Variants in CDC42BPA observed in about 807,000 individuals in gnomAD.
The protein encoded by CDC42BPA is CDC42 binding protein kinase alpha.
CDC42BPA carries 80 observed loss-of-function variants against 223.5 expected under a neutral mutation model. That is an observed-to-expected ratio of 0.36 (90% confidence interval 0.30 to 0.43). The LOEUF is 0.43. CDC42BPA is among the 20% of genes least tolerant of loss of function. The probability of loss-of-function intolerance (pLI) is 1.00; values close to 1 mark genes in which losing one functional copy is unlikely to be tolerated. For missense variants in CDC42BPA, 1,743 were observed against 2,099.9 expected (o/e 0.83, Z 3.32); for synonymous variants, 694 against 718.6 (o/e 0.97, Z 0.55).
intron 14 of CDC42BPA, among the ~76,000 whole-genome samples, chr1:227,109,044 T>C (rs1404954650): frequency 6.6e-6 from 1 of 152,050 alleles, no homozygotes; most frequent in Non-Finnish European, 1.5e-5. Flanking sequence ...ATGTCGCATA[T>C]AAATATGGTA....
intron 10 of CDC42BPA, among the ~76,000 whole-genome samples, chr1:227,133,096 G>GCC (rs71179194): frequency 7.1e-6 from 1 of 141,420 alleles, no homozygotes; most frequent in Admixed American, 6.8e-5. Context: ...GGGGGGGTCA[G>GCC]CCCCCCGCCC....
intron 19 of CDC42BPA, among the ~76,000 whole-genome samples, 157 bp downstream of exon 19, chr1:227,073,707 A>T (rs1159767588): frequency 6.6e-6 from 1 of 152,142 alleles, no homozygotes; most frequent in Admixed American, 6.6e-5. Flanking sequence ...CACTATCTAC[A>T]AGGCTTAAAA....
At chr1:227,271,011 C>CTATTTATTTGGTGTT (rs1685870717) in intron 1 of CDC42BPA, among the ~76,000 whole-genome samples, 5 of 152,044 alleles carry the variant, frequency 3.3e-5, no homozygotes, top group Admixed American at 2.6e-4. Context: ...CATTTTTTGG[C>CTATTTATTTGGTGTT]TATTGTGAGT....
intron 1 of CDC42BPA, among the ~76,000 whole-genome samples, chr1:227,270,562 A>C (rs1412892659): frequency 6.6e-6 from 1 of 152,214 alleles, no homozygotes; most frequent in Non-Finnish European, 1.5e-5. Context: ...GAGTTGTTTG[A>C]ATTTTATTTT....
chr1:227,003,545 G>C (rs907749001), intron 35 of CDC42BPA, among the ~76,000 whole-genome samples: 4 of 152,182 alleles, frequency 2.6e-5, no homozygotes, highest in African/African-American at 9.7e-5. Flanking sequence ...CAGTGAATTT[G>C]ACGGGAGTAA....
At chr1:227,014,255 A>T (rs778171238) in intron 34 of CDC42BPA, among the ~76,000 whole-genome samples, 6 of 152,108 alleles carry the variant, frequency 3.9e-5, no homozygotes, top group Non-Finnish European at 8.8e-5. Context: ...TGACCTGAAA[A>T]TTTTTAAAAG....
chr1:227,257,382 T>C (rs1370954047), intron 1 of CDC42BPA, among the ~76,000 whole-genome samples: 1 of 151,458 alleles, frequency 6.6e-6, no homozygotes, highest in Non-Finnish European at 1.5e-5. Context: ...ATTAGTAAGA[T>C]ATCAAAACCA....
chr1:226,999,542 G>A (rs899760925), intron 35 of CDC42BPA, among the ~76,000 whole-genome samples: 34 of 152,110 alleles, frequency 2.2e-4, no homozygotes, highest in African/African-American at 8.2e-4. Context: ...ACAGTGTGGC[G>A]ATTCCTCAAG....
chr1:227,216,490 T>G (rs1674877140), intron 2 of CDC42BPA, among the ~76,000 whole-genome samples: 1 of 152,148 alleles, frequency 6.6e-6, no homozygotes, highest in Non-Finnish European at 1.5e-5. Context: ...TGTGGTGAAA[T>G]AAAAGTCAGT....
chr1:227,234,503 A>C (rs921488646), intron 2 of CDC42BPA: 7 of 152,234 alleles, frequency 4.6e-5, no homozygotes, highest in Admixed American at 6.5e-5. Context: ...TAAGAACACC[A>C]ATGTGGAGAT....
At chr1:227,031,583 G>T in intron 27 of CDC42BPA, 69 bp from the exon 28 acceptor site, 1 of 1,299,358 alleles carries the variant, frequency 7.7e-7, no homozygotes, top group Non-Finnish European at 1.1e-6. Context: ...TCATGATTAT[G>T]TTAGTTTGCT....
chr1:227,117,374 TGACATGATCATGGCTCACTGCAGC>T (rs1480347755), intron 12 of CDC42BPA, among the ~76,000 whole-genome samples: 1 of 152,156 alleles, frequency 6.6e-6, no homozygotes, highest in East Asian at 1.9e-4. Context: ...TGGAGTGCAG[TGACATGATCATGGCTCACTGCAGC>T]CTCAATCTAC....
rs542953368 is a variant in CDC42BPA, at chr1:227,228,246, C to A, written c.271-15027G>T. On this transcript the variant is annotated intron_variant, in intron 2 of 36. Transcript: ENST00000366766. The stretch of plus-strand genomic sequence containing the variant: ...ATAGCACGTTTACCTATGTAACAAA[C>A]CTACAGATATTTCATATAAATGGAA... 4.6e-5 allele frequency among the ~76,000 whole-genome samples: 7 copies of A among 152,300 alleles called. No homozygotes were observed. The East Asian group carries it at 1.3e-3, about 29-fold the overall frequency.
At chr1:227,292,338 T>C (rs1689843397) in intron 1 of CDC42BPA, among the ~76,000 whole-genome samples, 1 of 152,218 alleles carries the variant, frequency 6.6e-6, no homozygotes, top group Admixed American at 6.5e-5. Context: ...AAATGATTAA[T>C]TTTAATTTCA....
chr1:227,193,935 C>A lies in CDC42BPA; in HGVS notation c.451-1G>T. The A allele has an allele frequency of 6.3e-7, 1 of 1,597,406 alleles. No homozygotes were observed. Among genetic ancestry groups the A allele is most frequent in the Non-Finnish European group, 8.5e-7 (1 of 1,173,056 alleles). ...CAACATAATAATCCATAACCAGGTA[C>A]TGTGAATGAAAAAAATAAAATGTAC... On this transcript the variant is annotated splice_acceptor_variant, in intron 4 of 36. Transcript: ENST00000366766. LOFTEE classifies it high-confidence loss of function.
At chr1:227,154,554 T>C (rs1662377305) in intron 6 of CDC42BPA, among the ~76,000 whole-genome samples, 1 of 151,998 alleles carries the variant, frequency 6.6e-6, no homozygotes, top group Non-Finnish European at 1.5e-5. Context: ...CAAAATCAAT[T>C]CTAATCCTAA....
chr1:227,084,530 A>T (rs983861425), intron 16 of CDC42BPA, among the ~76,000 whole-genome samples: 1 of 150,792 alleles, frequency 6.6e-6, no homozygotes. Context: ...TTCATCTCAA[A>T]AAAAAAAAAA....
chr1:227,314,443 C>T (rs1257001486), intron 1 of CDC42BPA, among the ~76,000 whole-genome samples: 1 of 152,008 alleles, frequency 6.6e-6, no homozygotes, highest in Non-Finnish European at 1.5e-5. Flanking sequence ...GCAAGAAAGG[C>T]TGTCAAAGAA....
chr1:227,308,591 C>G (rs867765655), intron 1 of CDC42BPA, among the ~76,000 whole-genome samples: 1 of 150,160 alleles, frequency 6.7e-6, no homozygotes, highest in Non-Finnish European at 1.5e-5. Flanking sequence ...GAATCCTAAA[C>G]CAACTTTTAA....
Sources: gnomAD v4.1 joint callset for allele counts (sites outside exome capture counted in the v4.1 genomes callset) on GRCh38, gnomAD v4.1.1 for gene constraint, MANE v1.5 for transcripts, NCBI Gene and HGNC (gene_info 2026-07-23, HGNC 2026-07-21) for gene names.